DKK3: variants seen among roughly 807,000 people sequenced by gnomAD.
DKK3 encodes the protein dickkopf-related protein 3.
DKK3 carries 22 observed loss-of-function variants against 33.2 expected under a neutral mutation model. The ratio of observed to expected loss-of-function variants is 0.66; its 90% CI spans 0.47 to 0.95. The LOEUF (loss-of-function observed/expected upper bound fraction) is 0.95, where lower values mean the gene tolerates loss of function less well. Ranked by LOEUF, DKK3 falls within the 40% of genes least tolerant of loss-of-function variation. DKK3 has a pLI of 0.00. For missense variants in DKK3, 398 were observed against 458.4 expected (o/e 0.87, Z 1.20); for synonymous variants, 194 against 188.8 (o/e 1.03, Z -0.23).
upstream of DKK3, chr11:12,009,391 C>T (rs973037391): frequency 4.1e-6 from 4 of 972,718 alleles, no homozygotes; most frequent in Non-Finnish European, 4.9e-6. Context: ...GCCCCGCCCG[C>T]CCACCAGGCC....
At position 11,964,370 on chromosome 11, in the gene DKK3, A is replaced by T; in HGVS notation, c.*94T>A. 2 of 1,465,624 alleles carry T rather than the reference A, an allele frequency of 1.4e-6. No homozygotes were observed. Among genetic ancestry groups the T allele is most frequent in the Middle Eastern group, 1.9e-4 (1 of 5,290 alleles). 90.8% of individuals were successfully genotyped at this position (1,465,624 alleles called of 1,614,324 possible). ...GGGAAACTTACTGGGAAGAAGATGTAGGAAGAAGCCTGGTCAGCCCACGCC... is the reference window on the plus strand; with the variant it reads ...GGGAAACTTACTGGGAAGAAGATGTTGGAAGAAGCCTGGTCAGCCCACGCC... On this transcript the variant is annotated 3_prime_UTR_variant, in exon 7 of 7. Coordinates refer to ENST00000683431, the MANE Select transcript of DKK3 (RefSeq NM_001018057.2).
rs1848575240 is a variant in DKK3, at chr11:12,008,084, T to A, written c.213+286A>T. On this transcript the variant is annotated intron_variant, in intron 1 of 6. Coordinates refer to ENST00000683431, the MANE Select transcript of DKK3 (RefSeq NM_001018057.2). This position sits in a 1 kb window ranked among gnomAD's most constrained non-coding sequence, Gnocchi z 4.6. ...CAATAGGGAAGGCCAACGGCATGCC[T>A]GACGCCAACTGCAGGCAGGTGGTGG... 1.3e-5 allele frequency among the ~76,000 whole-genome samples: 2 copies of A among 151,640 alleles called. No homozygotes were observed. The highest frequency in any genetic ancestry group is 4.9e-5 in the African/African-American group (2 of 41,236).
chr11:11,969,945 C>A (rs1003539970), intron 3 of DKK3, among the ~76,000 whole-genome samples: 1 of 152,188 alleles, frequency 6.6e-6, no homozygotes, highest in Admixed American at 6.5e-5. Flanking sequence ...GGTGAACGGC[C>A]GCCCAAGTGA....
At position 11,972,164 on chromosome 11, in the gene DKK3, A is replaced by T. The variant is rs141626660; in HGVS notation, c.436-3677T>A. Among the ~76,000 whole-genome samples, 139 of 152,310 alleles carry T rather than the reference A, an allele frequency of 9.1e-4. 2 individuals carry two copies. Among genetic ancestry groups the T allele is most frequent in the Non-Finnish European group, 1.5e-3 (104 of 68,012 alleles). The stretch of plus-strand genomic sequence containing the variant: ...GACTCTACCTCTATTAAAAACAAAG[A>T]TGAAGGCAGGAGCTGTTTTGCAGGG... On this transcript the variant is annotated intron_variant, in intron 3 of 6. Transcript: ENST00000683431.
intron 1 of DKK3, among the ~76,000 whole-genome samples, chr11:12,003,929 T>C (rs1179810587): frequency 2.0e-5 from 3 of 152,114 alleles, no homozygotes; most frequent in Non-Finnish European, 4.4e-5. Flanking sequence ...GAATAAAACC[T>C]GGTAGGCAGA....
intron 3 of DKK3, among the ~76,000 whole-genome samples, chr11:11,976,904 G>A (rs999307980): frequency 5.9e-5 from 9 of 152,156 alleles, no homozygotes; most frequent in African/African-American, 1.7e-4. Flanking sequence ...GCAGCAGGGC[G>A]CCTCCAGTCT....
chr11:11,984,101 T>C (rs535787617), intron 3 of DKK3, among the ~76,000 whole-genome samples: 93 of 152,288 alleles, frequency 6.1e-4, no homozygotes, highest in African/African-American at 2.2e-3. Flanking sequence ...ACTGGCCTTT[T>C]TAAAATAAGG....
intron 3 of DKK3, among the ~76,000 whole-genome samples, chr11:11,988,465 A>G (rs1356340389): frequency 2.0e-5 from 3 of 152,192 alleles, no homozygotes; most frequent in Admixed American, 6.5e-5. Flanking sequence ...TGACCCTGGA[A>G]GAGGAGACGG....
intron 1 of DKK3, among the ~76,000 whole-genome samples, chr11:12,006,559 A>C (rs1848539707): frequency 1.3e-5 from 2 of 152,154 alleles, no homozygotes; most frequent in Non-Finnish European, 2.9e-5. Flanking sequence ...TAGAAGTGAC[A>C]GCCCACATCT....
chr11:11,965,747 CCCTGCTGG>C, intron 6 of DKK3, 54 bp downstream of exon 6: 1 of 1,575,362 alleles, frequency 6.3e-7, no homozygotes, highest in Non-Finnish European at 8.6e-7. Context: ...GCTCCTACGC[CCCTGCTGG>C]ATGGCACCTC....
intron 3 of DKK3, among the ~76,000 whole-genome samples, chr11:11,976,804 A>G (rs1303461227): frequency 6.6e-6 from 1 of 151,374 alleles, no homozygotes; most frequent in Non-Finnish European, 1.5e-5. Context: ...AGGATTCCCA[A>G]GTCAGGTTTT....
At chr11:11,998,857 T>C in intron 2 of DKK3, 78 bp from the exon 3 acceptor site, 5 of 1,401,938 alleles carry the variant, frequency 3.6e-6, no homozygotes, top group Non-Finnish European at 5.0e-6. Flanking sequence ...TGTGTTTTGT[T>C]TTCCATTTTC....
upstream of DKK3, chr11:12,009,461 TCA>T: frequency 2.3e-6 from 2 of 870,394 alleles, no homozygotes; most frequent in Non-Finnish European, 2.7e-6. Context: ...GCCGGCCACC[TCA>T]CGCCCCACGC....
upstream of DKK3, chr11:12,008,648 C>T (rs1320877013): frequency 1.6e-6 from 2 of 1,277,584 alleles, no homozygotes; most frequent in Non-Finnish European, 9.8e-7. This position sits in a 1 kb window ranked among gnomAD's most constrained non-coding sequence, Gnocchi z 4.6. Context: ...CGCGGACCAC[C>T]CCCCTCGCTG....
chr11:12,003,736 A>T (rs915250107), intron 1 of DKK3, among the ~76,000 whole-genome samples: 16 of 146,344 alleles, frequency 1.1e-4, no homozygotes, highest in East Asian at 4.0e-4. Context: ...GGCTATTTTT[A>T]TTTTTTTTTT....
chr11:11,990,233 C>G (rs1438602505), intron 3 of DKK3, among the ~76,000 whole-genome samples: 1 of 152,208 alleles, frequency 6.6e-6, no homozygotes, highest in Admixed American at 6.5e-5. Flanking sequence ...CATGCCCAGG[C>G]TACTCAGAGA....
At chr11:11,973,293 A>G (rs1847763270) in intron 3 of DKK3, among the ~76,000 whole-genome samples, 1 of 152,132 alleles carries the variant, frequency 6.6e-6, no homozygotes, top group African/African-American at 2.4e-5. Context: ...GCCGACAGAC[A>G]CTTTTCATTT....
intron 2 of DKK3, among the ~76,000 whole-genome samples, chr11:11,999,529 G>A (rs1019815539): frequency 6.6e-6 from 1 of 152,220 alleles, no homozygotes; most frequent in Non-Finnish European, 1.5e-5. Context: ...GGAGGCTGAG[G>A]CAGGAGAATT....
At chr11:11,965,003 C>T (rs1847553231) in intron 6 of DKK3, among the ~76,000 whole-genome samples, 1 of 152,220 alleles carries the variant, frequency 6.6e-6, no homozygotes, top group Non-Finnish European at 1.5e-5. Context: ...CCCTCAAAGA[C>T]TGTGGCCCAT....
Sources: allele counts gnomAD v4.1 joint callset (sites outside exome capture counted in the v4.1 genomes callset), GRCh38; gene constraint gnomAD v4.1.1; non-coding constraint Gnocchi (gnomAD v3.1); transcripts MANE v1.5; gene names NCBI Gene and HGNC (gene_info 2026-07-23, HGNC 2026-07-21).